The following HSP90AB1 variants were observed in gnomAD, a reference collection of about 807,000 sequenced individuals.
HSP90AB1 encodes heat shock protein 90 alpha family class B member 1.
In HSP90AB1, 17 loss-of-function variants were observed where a neutral mutation model predicts 67.8. The observed-to-expected ratio is 0.25, with a 90% confidence interval of 0.17 to 0.38. The LOEUF (loss-of-function observed/expected upper bound fraction) is 0.38. HSP90AB1 is among the 10% of genes least tolerant of loss of function. The pLI is 1.00. For synonymous variants in HSP90AB1, 390 were observed against 312.9 expected, an observed-to-expected ratio of 1.25 and a Z score of -2.60; for missense variants, 690 against 899.9, an observed-to-expected ratio of 0.77 and a Z score of 2.98.
intron 10 of HSP90AB1, among the ~76,000 whole-genome samples, chr6:44,252,844 C>T (rs537251148): frequency 7.3e-5 from 11 of 151,442 alleles, no homozygotes; most frequent in Admixed American, 2.0e-4. Flanking sequence ...AAACTCAAGT[C>T]TCCTGAGTGG....
intron 6 of HSP90AB1, 30 bp downstream of exon 6, chr6:44,250,629 C>T: frequency 1.6e-6 from 2 of 1,236,506 alleles, no homozygotes; most frequent in Non-Finnish European, 2.4e-6. Flanking sequence ...GTTGGCTCAA[C>T]ATGCACATAT....
In HSP90AB1 at chr6:44,253,652, TC is replaced by T; in HGVS notation, c.*57del. On this transcript the variant is annotated 3_prime_UTR_variant, in exon 12 of 12. Coordinates refer to ENST00000371646, the MANE Select transcript of HSP90AB1 (RefSeq NM_007355.4). The stretch of plus-strand genomic sequence containing the variant: ...GCCCTTGTATAGTGTCCCCATGGGC[TC>T]CCACTGCAGCCTCGAGTGCCCCTGT... 7.5e-7 allele frequency: 1 copy of T among 1,337,560 alleles called. No homozygotes were observed. The highest frequency in any genetic ancestry group is 1.1e-6 in the Non-Finnish European group (1 of 927,778). The allele number at this position is 1,337,560 out of a possible 1,614,324, so 82.9% of individuals were successfully genotyped here. A position where few individuals can be genotyped will look rare whatever the true frequency, so the allele number is the denominator to read the frequency against.
chr6:44,250,926 C>T, intron 6 of HSP90AB1, 122 bp from the exon 7 acceptor site: 1 of 847,522 alleles, frequency 1.2e-6, no homozygotes, highest in Non-Finnish European at 1.9e-6. Flanking sequence ...TCAGGAGCTG[C>T]TTGTTGTGTG....
Position 44,252,015 on chromosome 6 carries a change from G to A in HSP90AB1, c.1479G>A (p.Gln493=). ...IYYITGESKE[Q]VANSAFVERV... ...ACCCTACAGGTGAGAGCAAAGAGCA[G>A]GTGGCCAACTCAGCTTTTGTGGAGC... Residue 493 remains glutamine (Q), a synonymous_variant, in exon 10 of 12, where the codon CAG becomes CAA. Coordinates refer to ENST00000371646, the MANE Select transcript of HSP90AB1 (RefSeq NM_007355.4). 1.2e-6 allele frequency: 2 copies of A among 1,614,212 alleles called. No individual in the cohort carries two copies. Among genetic ancestry groups the A allele is most frequent in the Non-Finnish European group, 1.7e-6 (2 of 1,180,042 alleles).
At position 44,250,152 on chromosome 6, in the gene HSP90AB1, T is replaced by C. The variant is rs1374546988; in HGVS notation, c.646T>C (p.Tyr216His). 3.1e-6 allele frequency: 5 copies of C among 1,614,082 alleles called. No homozygotes were observed. The East Asian group carries it at 6.7e-5, about 22-fold the overall frequency. ...SQFIGYPITL[Y>H]LEKEREKEIS... ...GTTCATAGGCTATCCCATCACCCTT[T>C]ATGTGAGTATGGACTTTTAAATCTT... Residue 216 changes from tyrosine (Y) to histidine (H), a missense_variant and splice_region_variant, in exon 5 of 12, where the codon TAT (tyrosine) becomes CAT (histidine). By Grantham distance (83) the Tyr-to-His change is moderately conservative. Coordinates refer to ENST00000371646, the MANE Select transcript of HSP90AB1 (RefSeq NM_007355.4).
At position 44,253,214 on chromosome 6, in the gene HSP90AB1, T is replaced by G; in HGVS notation, c.1901T>G (p.Ile634Ser). 1 of 1,614,192 alleles carries G rather than the reference T, an allele frequency of 6.2e-7. No individual in the cohort carries two copies. The highest frequency in any genetic ancestry group is 8.5e-7 in the Non-Finnish European group (1 of 1,180,026). ...KHLEINPDHP[I>S]VETLRQKAEA... ...CTGGAGATCAACCCTGACCACCCCATTGTGGAGACGCTGCGGCAGAAGGCT... is the reference window on the plus strand; with the variant it reads ...CTGGAGATCAACCCTGACCACCCCAGTGTGGAGACGCTGCGGCAGAAGGCT... The change falls in exon 11 of 12, where the codon ATT (isoleucine) becomes AGT (serine). Residue 634 changes from isoleucine (I) to serine (S), a missense_variant. Ile to Ser is a moderately radical substitution (Grantham distance 142). Around this residue, in one of 7 missense-constraint regions of HSP90AB1, gnomAD observed 120 missense variants for 153.5 expected, o/e 0.78. Coordinates refer to ENST00000371646, the MANE Select transcript of HSP90AB1 (RefSeq NM_007355.4).
chr6:44,251,662 A>G, intron 8 of HSP90AB1, 54 bp downstream of exon 8: 4 of 1,590,318 alleles, frequency 2.5e-6, no homozygotes, highest in Non-Finnish European at 3.4e-6. Flanking sequence ...TAATAACAAT[A>G]AATTATTCCA....
intron 7 of HSP90AB1, 93 bp from the exon 8 acceptor site, chr6:44,251,322 GGGT>G: frequency 6.6e-7 from 1 of 1,516,260 alleles, no homozygotes; most frequent in South Asian, 1.1e-5. Flanking sequence ...GTAGGTGTAA[GGGT>G]TCAGGAGGCT....
At chr6:44,250,259 C>T (rs769818866) in intron 5 of HSP90AB1, 32 bp from the exon 6 acceptor site, 5 of 1,611,424 alleles carry the variant, frequency 3.1e-6, no homozygotes, top group African/African-American at 1.3e-5. Context: ...GTGTTTTGTA[C>T]TCCAAGGCTA....
intron 11 of HSP90AB1, 48 bp downstream of exon 11, chr6:44,253,426 C>G (rs762536685): frequency 1.9e-6 from 3 of 1,601,518 alleles, no homozygotes; most frequent in Admixed American, 1.7e-5. Context: ...TGCAACTCGT[C>G]TCCTCTATGG....
Position 44,248,701 on chromosome 6 carries a change from C to T in HSP90AB1, c.72C>T (p.Leu24=). 6.2e-7 allele frequency: 1 copy of T among 1,613,806 alleles called. No individual in the cohort carries two copies. Among genetic ancestry groups the T allele is most frequent in the African/African-American group, 1.3e-5 (1 of 75,056 alleles). Residue 24 remains leucine, a synonymous_variant, in exon 2 of 12, where the codon CTC becomes CTT. Coordinates refer to ENST00000371646, the MANE Select transcript of HSP90AB1 (RefSeq NM_007355.4). ...TFAFQAEIAQ[L]MSLIINTFYS... ...CCTTTCAGGCAGAAATTGCCCAACT[C>T]ATGTCCCTCATCATCAATACCTTCT...
At position 44,252,192 on chromosome 6, in the gene HSP90AB1, G is replaced by A. The variant is rs1291516196; in HGVS notation, c.1656G>A (p.Lys552=). ...ELPEDEEEKK[K]MEESKAKFEN... is the part of the protein sequence containing the mutation. Reference sequence around the variant, plus strand: ...CTGAGGATGAGGAGGAGAAGAAGAAGATGGAAGAGAGCAAGGCAAAGTTTG... The same window carrying A: ...CTGAGGATGAGGAGGAGAAGAAGAAAATGGAAGAGAGCAAGGCAAAGTTTG... The change falls in exon 10 of 12, where the codon AAG becomes AAA. Residue 552 remains lysine (K), a synonymous_variant. Transcript: ENST00000371646. 1.9e-6 allele frequency: 3 copies of A among 1,614,172 alleles called. No individual in the cohort carries two copies. Among genetic ancestry groups the A allele is most frequent in the Admixed American group, 3.3e-5 (2 of 60,016 alleles).
At chr6:44,249,642 A>G in intron 3 of HSP90AB1, 33 bp from the exon 4 acceptor site, 2 of 1,611,358 alleles carry the variant, frequency 1.2e-6, no homozygotes, top group Non-Finnish European at 1.7e-6. Context: ...TTGCTTCTTT[A>G]AAACTTGTGA....
At chr6:44,250,245 GGTAGT>G (rs1780473863) in intron 5 of HSP90AB1, 41 bp from the exon 6 acceptor site, 2 of 1,610,600 alleles carry the variant, frequency 1.2e-6, no homozygotes, top group Non-Finnish European at 1.7e-6. Context: ...TGCTTTCCCT[GGTAGT>G]GTTTTGTACT....
In HSP90AB1 at chr6:44,250,162, T is replaced by C. The variant is rs372090681; in HGVS notation, c.648+8T>C. The stretch of plus-strand genomic sequence containing the variant: ...TATCCCATCACCCTTTATGTGAGTA[T>C]GGACTTTTAAATCTTTTACACTTAA... On this transcript the variant is annotated splice_region_variant and intron_variant, in intron 5 of 11. Transcript: ENST00000371646. 103 of 1,614,096 alleles carry C rather than the reference T, an allele frequency of 6.4e-5. No homozygotes were observed. The highest frequency in any genetic ancestry group is 1.2e-4 in the Admixed American group (7 of 60,004).
chr6:44,252,596 C>T (rs1329541052), intron 10 of HSP90AB1, among the ~76,000 whole-genome samples: 4 of 152,034 alleles, frequency 2.6e-5, no homozygotes, highest in African/African-American at 4.8e-5. Context: ...CCTGGGTTCA[C>T]GCCATTCTCC....
At chr6:44,251,279 A>C in intron 7 of HSP90AB1, 66 bp downstream of exon 7, 1 of 1,580,662 alleles carries the variant, frequency 6.3e-7, no homozygotes, top group Non-Finnish European at 8.7e-7. Flanking sequence ...TTCTGCTAGG[A>C]TATTCTAAGG....
At chr6:44,252,380 C>T (rs977800182) in intron 10 of HSP90AB1, 113 bp downstream of exon 10, 10 of 928,492 alleles carry the variant, frequency 1.1e-5, no homozygotes, top group African/African-American at 3.3e-5. Context: ...TGTTTCATGC[C>T]TTCTTGCCTC....
chr6:44,250,920 G>C (rs1780563512), intron 6 of HSP90AB1, 128 bp from the exon 7 acceptor site: 1 of 810,092 alleles, frequency 1.2e-6, no homozygotes, highest in East Asian at 2.4e-5. Flanking sequence ...GTTTTCTCAG[G>C]AGCTGCTTGT....
Sources: allele counts gnomAD v4.1 joint callset (sites outside exome capture counted in the v4.1 genomes callset), GRCh38; gene constraint gnomAD v4.1.1; regional missense constraint gnomAD v4.1.1; transcripts MANE v1.5; gene names NCBI Gene and HGNC (gene_info 2026-07-23, HGNC 2026-07-21).